The following BABAM2 variants were observed in gnomAD, a reference collection of about 807,000 sequenced individuals.
BABAM2 encodes the protein BRISC and BRCA1 A complex member 2.
BABAM2 carries 31 observed loss-of-function variants against 54.7 expected under a neutral mutation model. That is an observed-to-expected ratio of 0.57 (90% CI 0.43 to 0.77). The LOEUF is 0.77. Ranked by LOEUF, BABAM2 falls within the 30% of genes least tolerant of loss-of-function variation. The pLI, the probability that BABAM2 is intolerant of heterozygous loss-of-function variation, is 0.00. For missense variants in BABAM2, 364 were observed against 455.8 expected (o/e 0.80, Z 1.83); for synonymous variants, 167 against 162.9 (o/e 1.03, Z -0.19).
intron 2 of BABAM2, among the ~76,000 whole-genome samples, chr2:27,926,000 A>ATCTACAAAT (rs1329792120): frequency 6.6e-6 from 1 of 152,170 alleles, no homozygotes; most frequent in Non-Finnish European, 1.5e-5. Context: ...AGGTGATACC[A>ATCTACAAAT]TCTACAAATG....
At chr2:27,970,272 T>G (rs1244555099) in intron 3 of BABAM2, among the ~76,000 whole-genome samples, 1 of 152,212 alleles carries the variant, frequency 6.6e-6, no homozygotes, top group East Asian at 1.9e-4. Flanking sequence ...TTTGTTCATT[T>G]CTTGTGATGC....
intron 7 of BABAM2, among the ~76,000 whole-genome samples, chr2:28,132,151 T>TC (rs1294758206): frequency 1.3e-5 from 2 of 151,286 alleles, no homozygotes; most frequent in African/African-American, 4.8e-5. Flanking sequence ...TCTTTTTTTT[T>TC]TTTTTGAGAC....
chr2:27,958,068 G>A (rs1030695166), intron 3 of BABAM2, among the ~76,000 whole-genome samples: 2 of 152,158 alleles, frequency 1.3e-5, no homozygotes, highest in Non-Finnish European at 1.5e-5. Flanking sequence ...TTCAAACTGA[G>A]CACTACCAGC....
intron 1 of BABAM2, among the ~76,000 whole-genome samples, chr2:27,892,199 A>G (rs1664915447): frequency 6.6e-6 from 1 of 152,148 alleles, no homozygotes; most frequent in Non-Finnish European, 1.5e-5. Context: ...TATTTTGCTG[A>G]GCTTTAATTT....
chr2:28,017,134 A>G (rs1028512905), intron 4 of BABAM2, among the ~76,000 whole-genome samples: 2 of 152,254 alleles, frequency 1.3e-5, no homozygotes, highest in African/African-American at 4.8e-5. Flanking sequence ...AAATATGTTT[A>G]AAATGATTTC....
chr2:27,965,935 T>C (rs1670809069), intron 3 of BABAM2, among the ~76,000 whole-genome samples: 1 of 152,152 alleles, frequency 6.6e-6, no homozygotes, highest in African/African-American at 2.4e-5. Context: ...TTTTCTTCTT[T>C]GTTTTATATT....
In BABAM2 at chr2:28,338,432, C is replaced by T. The variant is rs1374732430; in HGVS notation, c.1089-18C>T. On this transcript the variant is annotated intron_variant, in intron 11 of 11. Transcript: ENST00000379624. ...TTGTGCTAACCACAATTTTTTTTCT[C>T]CCCTTCTTTCCCACCAGGGCTTATT... 6.2e-7 allele frequency: 1 copy of T among 1,609,720 alleles called. No individual in the cohort carries two copies. Among genetic ancestry groups the T allele is most frequent in the Non-Finnish European group, 8.5e-7 (1 of 1,177,282 alleles).
chr2:28,157,164 G>A (rs2147797621), intron 7 of BABAM2, among the ~76,000 whole-genome samples: 1 of 152,132 alleles, frequency 6.6e-6, no homozygotes, highest in East Asian at 1.9e-4. Flanking sequence ...GCTTTTCCTG[G>A]GCAATTTAGA....
In BABAM2 at chr2:28,130,844, A is replaced by AT. The variant is rs1376305687; in HGVS notation, c.680+1466dup. 3.9e-5 allele frequency among the ~76,000 whole-genome samples: 6 copies of AT among 152,062 alleles called. No homozygotes were observed. The East Asian group carries it at 1.2e-3, about 29-fold the overall frequency. On this transcript the variant is annotated intron_variant, in intron 7 of 11. Transcript: ENST00000379624. Reference sequence around the variant, plus strand: ...AACCTCCACCTTCTGGGTTCAAGTGATTCTCGGGTTTCAGCCTCCCGAGTA... The same window carrying AT: ...AACCTCCACCTTCTGGGTTCAAGTGATTTCTCGGGTTTCAGCCTCCCGAGTA...
chr2:28,041,202 C>G (rs1677075254), intron 5 of BABAM2, among the ~76,000 whole-genome samples: 1 of 152,148 alleles, frequency 6.6e-6, no homozygotes, highest in African/African-American at 2.4e-5. Context: ...TATGTAAAAT[C>G]AGGCATATAT....
rs544160532 is a variant in BABAM2, at chr2:28,325,398, G to A, written c.1089-13052G>A. Among the ~76,000 whole-genome samples, 167 of 152,228 alleles carry A rather than the reference G, an allele frequency of 1.1e-3. No individual in the cohort carries two copies. The highest frequency in any genetic ancestry group is 3.9e-3 in the African/African-American group (160 of 41,530). On this transcript the variant is annotated intron_variant, in intron 11 of 11. Coordinates refer to ENST00000379624, the MANE Select transcript of BABAM2 (RefSeq NM_199191.3). This position sits in a 1 kb window ranked among gnomAD's most constrained non-coding sequence, Gnocchi z 4.3. ...TGCATGATTACAGAAGACTTGTAAGGCCCCCTCCTGCCAGACGTTCTGTCA... is the reference window on the plus strand; with the variant it reads ...TGCATGATTACAGAAGACTTGTAAGACCCCCTCCTGCCAGACGTTCTGTCA...
intron 6 of BABAM2, among the ~76,000 whole-genome samples, chr2:28,076,991 G>T (rs1479137306): frequency 6.6e-6 from 1 of 152,066 alleles, no homozygotes; most frequent in Non-Finnish European, 1.5e-5. Context: ...TTAGAAATTG[G>T]CAGTAGGGGT....
chr2:27,953,889 A>G (rs567385546), intron 3 of BABAM2, among the ~76,000 whole-genome samples: 1 of 152,322 alleles, frequency 6.6e-6, no homozygotes, highest in African/African-American at 2.4e-5. Context: ...TGTGAGGGGA[A>G]TAAAGAGACA....
chr2:28,204,258 C>G (rs1678587504), intron 7 of BABAM2, among the ~76,000 whole-genome samples: 1 of 152,136 alleles, frequency 6.6e-6, no homozygotes, highest in Non-Finnish European at 1.5e-5. Context: ...ATTTATCCTA[C>G]TTAAATTTTT....
chr2:28,212,857 G>GGAT (rs201679884), intron 7 of BABAM2, among the ~76,000 whole-genome samples: 1 of 6,302 alleles, frequency 1.6e-4, no homozygotes, highest in East Asian at 0.033. Context: ...ATCTTACTGA[G>GGAT]GGTAATTCTT....
At chr2:27,975,512 C>CA (rs552481128) in intron 3 of BABAM2, among the ~76,000 whole-genome samples, 1 of 150,884 alleles carries the variant, frequency 6.6e-6, no homozygotes, top group Admixed American at 6.6e-5. Context: ...CATCTACATG[C>CA]AAAAAAAAGG....
chr2:28,012,226 A>C (rs546115054), intron 4 of BABAM2, among the ~76,000 whole-genome samples: 8 of 152,210 alleles, frequency 5.3e-5, no homozygotes, highest in Non-Finnish European at 1.2e-4. Context: ...GGAAAATTTA[A>C]ATACTTCCCC....
chr2:28,207,439 T>C (rs912776610), intron 7 of BABAM2, among the ~76,000 whole-genome samples: 2 of 151,850 alleles, frequency 1.3e-5, no homozygotes, highest in African/African-American at 4.8e-5. Context: ...CGTGCACCTA[T>C]AGTCCCAGCT....
chr2:28,040,521 C>T (rs889986346), intron 5 of BABAM2, among the ~76,000 whole-genome samples: 5 of 151,696 alleles, frequency 3.3e-5, no homozygotes, highest in Admixed American at 1.3e-4. Flanking sequence ...GGGATGGTCT[C>T]GATCTCCTGA....
Sources: allele counts gnomAD v4.1 joint callset (sites outside exome capture counted in the v4.1 genomes callset), GRCh38; gene constraint gnomAD v4.1.1; non-coding constraint Gnocchi (gnomAD v3.1); transcripts MANE v1.5; gene names NCBI Gene and HGNC (gene_info 2026-07-23, HGNC 2026-07-21).